IGSF11: variants seen among roughly 807,000 people sequenced by gnomAD.
The protein encoded by IGSF11 is CXADR like 1.
In IGSF11, 22 loss-of-function variants were observed where a neutral mutation model predicts 41.0. The ratio of observed to expected loss-of-function variants is 0.54; its 90% CI spans 0.38 to 0.77. The LOEUF (loss-of-function observed/expected upper bound fraction) is 0.77, where lower values mean the gene tolerates loss of function less well. Among genes scored for constraint, IGSF11 ranks in the 30% least tolerant of loss-of-function variants. The probability of loss-of-function intolerance (pLI) is 0.00; values close to 1 mark genes in which losing one functional copy is unlikely to be tolerated. For synonymous variants in IGSF11, 219 were observed against 201.3 expected, an observed-to-expected ratio of 1.09 and a Z score of -0.74; for missense variants, 444 against 530.8, an observed-to-expected ratio of 0.84 and a Z score of 1.61.
At chr3:119,037,523 A>G (rs1026131427), upstream of IGSF11, among the ~76,000 whole-genome samples, 8 of 152,300 alleles carry the variant, frequency 5.3e-5, no homozygotes, top group South Asian at 2.1e-4. Context: ...TCTCTGAGAG[A>G]GTTATAGTTG....
chr3:118,979,503 ATC>A (rs1310720818), intron 1 of IGSF11, among the ~76,000 whole-genome samples: 1 of 152,162 alleles, frequency 6.6e-6, no homozygotes, highest in Admixed American at 6.5e-5. Flanking sequence ...CTAGAACACT[ATC>A]TCTCACCATA....
At chr3:118,957,675 A>C (rs1287450000) in intron 1 of IGSF11, among the ~76,000 whole-genome samples, 3 of 152,236 alleles carry the variant, frequency 2.0e-5, no homozygotes, top group African/African-American at 4.8e-5. Flanking sequence ...TATTTTAAAC[A>C]TAATTTTTTC....
chr3:119,139,142 A>G (rs1471919059), intron 1 of IGSF11, among the ~76,000 whole-genome samples: 2 of 152,158 alleles, frequency 1.3e-5, no homozygotes, highest in Admixed American at 6.5e-5. Flanking sequence ...AGATATATAC[A>G]CCTACTATAT....
chr3:119,015,821 C>A (rs1171119526), intron 1 of IGSF11, among the ~76,000 whole-genome samples: 1 of 152,008 alleles, frequency 6.6e-6, no homozygotes, highest in African/African-American at 2.4e-5. Context: ...ATTCACTAAG[C>A]ACCTGGTGCC....
At chr3:118,954,822 T>C (rs1944831981) in intron 1 of IGSF11, among the ~76,000 whole-genome samples, 1 of 152,008 alleles carries the variant, frequency 6.6e-6, no homozygotes, top group Non-Finnish European at 1.5e-5. Flanking sequence ...TGTGGGTAAA[T>C]GCTATCAAAT....
intron 1 of IGSF11, chr3:119,105,103 C>T: frequency 9.6e-6 from 13 of 1,350,354 alleles, no homozygotes; most frequent in Non-Finnish European, 1.4e-5. Context: ...AGATAATAAC[C>T]ACTAATAGTA....
chr3:119,082,483 A>G (rs1473096031), intron 1 of IGSF11, among the ~76,000 whole-genome samples: 1 of 152,238 alleles, frequency 6.6e-6, no homozygotes, highest in Non-Finnish European at 1.5e-5. Flanking sequence ...ATGAGTATTC[A>G]TACAGAAAAT....
intron 1 of IGSF11, among the ~76,000 whole-genome samples, chr3:119,053,748 A>G (rs1232018912): frequency 6.6e-6 from 1 of 151,814 alleles, no homozygotes; most frequent in Non-Finnish European, 1.5e-5. Context: ...GAGGCATCAC[A>G]TTATCCAAGT....
At chr3:119,048,249 A>G (rs934592483) in intron 1 of IGSF11, among the ~76,000 whole-genome samples, 1 of 152,184 alleles carries the variant, frequency 6.6e-6, no homozygotes, top group Middle Eastern at 3.2e-3. Context: ...ATAGACCGCT[A>G]GCAAGACAAA....
intron 1 of IGSF11, among the ~76,000 whole-genome samples, chr3:119,112,150 C>A (rs1041344126): frequency 3.9e-5 from 6 of 152,234 alleles, no homozygotes; most frequent in African/African-American, 1.4e-4. Flanking sequence ...TTTAAGACTG[C>A]AGAGGCTACT....
At chr3:119,044,394 C>A (rs973050094) in intron 1 of IGSF11, among the ~76,000 whole-genome samples, 4 of 151,812 alleles carry the variant, frequency 2.6e-5, no homozygotes, top group Non-Finnish European at 5.9e-5. Flanking sequence ...ATAAACAAAG[C>A]CTCCAAGAAA....
At chr3:118,925,198 G>T (rs987279443) in intron 4 of IGSF11, among the ~76,000 whole-genome samples, 1 of 152,122 alleles carries the variant, frequency 6.6e-6, no homozygotes, top group African/African-American at 2.4e-5. Flanking sequence ...CTCTTAAGAG[G>T]CTTGTGGCGC....
At chr3:118,955,761 C>T (rs757795308) in intron 1 of IGSF11, among the ~76,000 whole-genome samples, 1 of 152,030 alleles carries the variant, frequency 6.6e-6, no homozygotes, top group African/African-American at 2.4e-5. Context: ...TTCTTAAGGG[C>T]TCAAGGATTT....
At chr3:119,141,562 AAAAT>A (rs553305513) in intron 1 of IGSF11, among the ~76,000 whole-genome samples, 5 of 150,492 alleles carry the variant, frequency 3.3e-5, no homozygotes, top group East Asian at 1.9e-4. Context: ...TCAAATAACT[AAAAT>A]AAGTAATGAA....
intron 1 of IGSF11, among the ~76,000 whole-genome samples, chr3:118,958,388 A>G (rs1945107967): frequency 6.6e-6 from 1 of 152,240 alleles, no homozygotes; most frequent in South Asian, 2.1e-4. Context: ...GACAGGGAAC[A>G]TAGAATATTT....
chr3:119,130,061 A>C (rs1326183901), intron 1 of IGSF11, among the ~76,000 whole-genome samples: 2 of 152,216 alleles, frequency 1.3e-5, no homozygotes, highest in Non-Finnish European at 2.9e-5. Flanking sequence ...CCTTCACTAA[A>C]AAGAAGACAG....
rs1308354071 is a variant in IGSF11, at chr3:118,904,637, G to A, written c.854+11C>T. On this transcript the variant is annotated intron_variant, in intron 6 of 6. Coordinates refer to ENST00000393775, the MANE Select transcript of IGSF11 (RefSeq NM_001015887.3). ...TATGCAGGACAAATTTTAAAAATCT[G>A]ACATACAAACCTTATTTCATTAGGA... 1 of 1,594,746 alleles carries A rather than the reference G, an allele frequency of 6.3e-7. No individual in the cohort carries two copies. The highest frequency in any genetic ancestry group is 8.6e-7 in the Non-Finnish European group (1 of 1,168,034).
intron 4 of IGSF11, among the ~76,000 whole-genome samples, chr3:118,922,499 C>T (rs1382396413): frequency 6.6e-6 from 1 of 151,920 alleles, no homozygotes; most frequent in Admixed American, 6.6e-5. Flanking sequence ...AATATAGGCA[C>T]CATAGTGTAC....
At chr3:119,052,249 G>C (rs1017760099) in intron 1 of IGSF11, among the ~76,000 whole-genome samples, 1 of 152,132 alleles carries the variant, frequency 6.6e-6, no homozygotes, top group Admixed American at 6.6e-5. Flanking sequence ...GGAAGCCAAG[G>C]TGGGTGGATC....
Sources: gnomAD v4.1 joint callset for allele counts (sites outside exome capture counted in the v4.1 genomes callset) on GRCh38, gnomAD v4.1.1 for gene constraint, MANE v1.5 for transcripts, NCBI Gene and HGNC (gene_info 2026-07-23, HGNC 2026-07-21) for gene names.